The following REV1 variants were observed in gnomAD, a reference collection of about 807,000 sequenced individuals.
REV1 encodes the protein translesion synthesis protein REV1.
Under a neutral mutation model 137.4 loss-of-function variants are expected in REV1, and 42 were observed. The ratio of observed to expected loss-of-function variants is 0.31; its 90% confidence interval spans 0.24 to 0.40. The LOEUF is 0.40. Ranked by LOEUF, REV1 falls within the 10% of genes least tolerant of loss-of-function variation. The pLI is 1.00. For missense variants in REV1, 1,282 were observed against 1,490.1 expected, an observed-to-expected ratio of 0.86 and a Z score of 2.30; for synonymous variants, 524 against 519.2, an observed-to-expected ratio of 1.01 and a Z score of -0.12.
At chr2:99,437,185 G>A (rs1200103285) in intron 6 of REV1, among the ~76,000 whole-genome samples, 1 of 151,664 alleles carries the variant, frequency 6.6e-6, no homozygotes, top group Non-Finnish European at 1.5e-5. Flanking sequence ...GTCTCACTGT[G>A]TTGCCCAGGT....
intron 8 of REV1, chr2:99,431,872 T>G (rs1680172226): frequency 1.0e-6 from 1 of 985,258 alleles, no homozygotes; most frequent in African/African-American, 1.7e-5. Flanking sequence ...CATCAAAACT[T>G]GACAAACTAG....
At chr2:99,404,792 G>C in intron 17 of REV1, 115 bp from the exon 18 acceptor site, 1 of 756,286 alleles carries the variant, frequency 1.3e-6, no homozygotes, top group Non-Finnish European at 2.2e-6. Flanking sequence ...ATCAATGTAA[G>C]GTACAGACCA....
rs555704394 is a variant in REV1, at chr2:99,466,336, G to A, written c.-10-1351C>T. On this transcript the variant is annotated intron_variant, in intron 1 of 22. Coordinates refer to ENST00000258428, the MANE Select transcript of REV1 (RefSeq NM_016316.4). ...CGGCTCACAACCACCTCCGCCTCCC[G>A]GGTTCAAGTGATTCTCCTGCCTCAG... Among the ~76,000 whole-genome samples, 17 of 152,036 alleles carry A rather than the reference G, an allele frequency of 1.1e-4. No homozygotes were observed. The South Asian group carries it at 3.1e-3, about 28-fold the overall frequency.
rs377372759 is a variant in REV1, at chr2:99,418,918, T to C, written c.1861A>G (p.Thr621Ala). The C allele has an allele frequency of 1.7e-5, 28 of 1,612,366 alleles. No homozygotes were observed. The highest frequency in any genetic ancestry group is 3.3e-5 in the Admixed American group (2 of 59,994). Residue 621 changes from threonine (T) to alanine (A), a missense_variant, in exon 12 of 23, where the codon ACT becomes GCT. This residue lies in a region of REV1 where 372 missense variants were observed against 482.3 expected (regional missense o/e 0.77). Coordinates refer to ENST00000258428, the MANE Select transcript of REV1 (RefSeq NM_016316.4). ...TGCCCATCTGGTTTTGCTTTTCTAG[T>C]TGCCATTCTAGCCAGGAGAATATTA... ...GSNILLARMA[T>A]RKAKPDGQYH...
At chr2:99,435,990 TAAA>T in intron 6 of REV1, 49 bp from the exon 7 acceptor site, 11 of 1,016,458 alleles carry the variant, frequency 1.1e-5, no homozygotes, top group Non-Finnish European at 1.7e-5. Context: ...TTTTACTATT[TAAA>T]ACATCAGGTC....
rs1675378270 is a variant in REV1 at position 99,401,396 on chromosome 2, G to A, written c.3645-44C>T. 1.1e-5 allele frequency: 14 copies of A among 1,309,146 alleles called. No individual in the cohort carries two copies. The East Asian group carries it at 3.0e-4, about 28-fold the overall frequency. The allele number at this position is 1,309,146 out of a possible 1,614,324, so 81.1% of individuals were successfully genotyped here. ...GAAATGTCATTAGGAATTAGGAAAG[G>A]TCCTTAAGACTAATTATTCCTTTTT... On this transcript the variant is annotated intron_variant, in intron 22 of 22. Transcript: ENST00000258428.
intron 7 of REV1, among the ~76,000 whole-genome samples, chr2:99,434,780 A>C (rs766040882): frequency 2.0e-4 from 30 of 152,174 alleles, no homozygotes; most frequent in Admixed American, 3.3e-4. Context: ...TTCAGACTTA[A>C]GTAGTGGGGA....
intron 9 of REV1, among the ~76,000 whole-genome samples, chr2:99,427,989 G>A (rs1406434613): frequency 2.0e-5 from 3 of 152,026 alleles, no homozygotes; most frequent in Non-Finnish European, 4.4e-5. Flanking sequence ...CCCAACAGAA[G>A]CCTAGTGCCT....
intron 1 of REV1, among the ~76,000 whole-genome samples, chr2:99,485,340 G>A (rs936807102): frequency 2.0e-5 from 3 of 152,124 alleles, no homozygotes; most frequent in African/African-American, 7.2e-5. Flanking sequence ...AAATCATTAT[G>A]AAAAGAACAG....
chr2:99,465,212 T>G (rs1048454099), intron 1 of REV1, among the ~76,000 whole-genome samples: 2 of 152,214 alleles, frequency 1.3e-5, no homozygotes, highest in Non-Finnish European at 2.9e-5. Flanking sequence ...ACTCTTATAT[T>G]TAAAATTCAA....
intron 1 of REV1, among the ~76,000 whole-genome samples, chr2:99,480,640 A>C (rs985058039): frequency 6.6e-6 from 1 of 152,188 alleles, no homozygotes; most frequent in Non-Finnish European, 1.5e-5. Flanking sequence ...ACAATGACAC[A>C]TAACTAAAAA....
intron 3 of REV1, 62 bp from the exon 4 acceptor site, chr2:99,449,566 A>G: frequency 6.2e-6 from 5 of 801,202 alleles, no homozygotes; most frequent in South Asian, 4.0e-5. Flanking sequence ...ACCCTAATGA[A>G]TAACTCCTTA....
chr2:99,435,684 AC>A (rs1159242172), intron 7 of REV1, 149 bp downstream of exon 7: 2 of 529,954 alleles, frequency 3.8e-6, no homozygotes, highest in East Asian at 6.7e-5. Context: ...ATTTCCCTAT[AC>A]CTTCCCTGAT....
chr2:99,474,728 C>T (rs1685781090), intron 1 of REV1, among the ~76,000 whole-genome samples: 1 of 152,012 alleles, frequency 6.6e-6, no homozygotes, highest in Non-Finnish European at 1.5e-5. Context: ...ATGGTGAAAC[C>T]CTGTCTCTAT....
At chr2:99,436,990 G>GTTTT (rs749608176) in intron 6 of REV1, among the ~76,000 whole-genome samples, 10 of 128,908 alleles carry the variant, frequency 7.8e-5, no homozygotes, top group African/African-American at 2.6e-4. Flanking sequence ...CTTTTTTTTT[G>GTTTT]TTTTTTTTTT....
chr2:99,410,978 C>T (rs919263023), intron 13 of REV1, 111 bp from the exon 14 acceptor site: 17 of 996,928 alleles, frequency 1.7e-5, no homozygotes, highest in Admixed American at 1.2e-4. Flanking sequence ...CTCACTATCA[C>T]GCTCAGCATC....
In REV1 at chr2:99,410,761, C is replaced by G. The variant is rs1245319478; in HGVS notation, c.2279G>C (p.Arg760Pro). ...AGTTTCTACAGGAGCCCCAGGCTTT[C>G]GTACCATGATTTTGAGAGTTAGACG... ...GKRLTLKIMV[R>P]KPGAPVETAK... Residue 760 changes from arginine (R) to proline (P), a missense_variant, in exon 14 of 23, where the codon CGA becomes CCA. By Grantham distance (103) the Arg-to-Pro change is moderately radical (BLOSUM62 -2). Around this residue, in one of 7 missense-constraint regions of REV1, gnomAD observed 372 missense variants for 482.3 expected, o/e 0.77. Transcript: ENST00000258428. 3 of 1,611,354 alleles carry G rather than the reference C, an allele frequency of 1.9e-6. No individual in the cohort carries two copies. Among genetic ancestry groups the G allele is most frequent in the Non-Finnish European group, 2.5e-6 (3 of 1,179,252 alleles).
chr2:99,461,984 TAG>T (rs1302692112), intron 3 of REV1, among the ~76,000 whole-genome samples: 5 of 152,196 alleles, frequency 3.3e-5, no homozygotes, highest in African/African-American at 1.2e-4. Flanking sequence ...AGAAAATGAA[TAG>T]AGAGACTAAG....
rs1675320128 is a variant in REV1, at chr2:99,401,061, C to T, written c.*180G>A. ...CTATGCTACAGTAAAATAATTAACA[C>T]AATTATTTACATGCAATACTGACAA... is the stretch of plus-strand genomic sequence containing the variant. On this transcript the variant is annotated 3_prime_UTR_variant, in exon 23 of 23. Transcript: ENST00000258428. 2.3e-6 allele frequency: 1 copy of T among 441,086 alleles called. No homozygotes were observed. Among genetic ancestry groups the T allele is most frequent in the Non-Finnish European group, 4.1e-6 (1 of 244,860 alleles). The allele number at this position is 441,086 out of a possible 1,614,324, so 27.3% of individuals were successfully genotyped here.
Sources: allele counts gnomAD v4.1 joint callset (sites outside exome capture counted in the v4.1 genomes callset), GRCh38; gene constraint gnomAD v4.1.1; regional missense constraint gnomAD v4.1.1; transcripts MANE v1.5; gene names NCBI Gene and HGNC (gene_info 2026-07-23, HGNC 2026-07-21).